The following ARHGAP20 variants were observed in gnomAD, a reference collection of about 807,000 sequenced individuals.
ARHGAP20 encodes the protein Rho GTPase activating protein 20.
Under a neutral mutation model 73.7 loss-of-function variants are expected in ARHGAP20, and 34 were observed. The observed-to-expected ratio is 0.46, with a 90% CI of 0.35 to 0.61. The LOEUF (loss-of-function observed/expected upper bound fraction) is 0.61. Ranked by LOEUF, ARHGAP20 falls within the 20% of genes least tolerant of loss-of-function variation. The pLI is 0.00. For missense variants in ARHGAP20, 1,314 were observed against 1,420.9 expected (o/e 0.92, Z 1.21); for synonymous variants, 523 against 518.2 (o/e 1.01, Z -0.13).
intron 10 of ARHGAP20, 144 bp from the exon 11 acceptor site, chr11:110,590,953 A>G (rs1180067768): frequency 1.1e-6 from 1 of 873,922 alleles, no homozygotes; most frequent in African/African-American, 1.7e-5. Context: ...GGCCGGAAAA[A>G]TTAAAGTCAC....
At chr11:110,689,093 G>A (rs1311359611) in intron 2 of ARHGAP20, among the ~76,000 whole-genome samples, 2 of 148,736 alleles carry the variant, frequency 1.3e-5, no homozygotes, top group Admixed American at 6.8e-5. Context: ...CCGCCTCCCC[G>A]GTTCACGCCA....
chr11:110,666,503 C>T (rs1185364449), intron 2 of ARHGAP20, among the ~76,000 whole-genome samples: 1 of 152,150 alleles, frequency 6.6e-6, no homozygotes, highest in Non-Finnish European at 1.5e-5. Context: ...AAGAACAGCA[C>T]AGAATCCAAA....
At chr11:110,611,964 T>C (rs1948376356) in intron 6 of ARHGAP20, among the ~76,000 whole-genome samples, 1 of 152,210 alleles carries the variant, frequency 6.6e-6, no homozygotes, top group Non-Finnish European at 1.5e-5. Flanking sequence ...AAGATTTTAA[T>C]TGTTGAAATC....
At chr11:110,591,361 A>T (rs1004557229) in intron 10 of ARHGAP20, among the ~76,000 whole-genome samples, 1 of 152,242 alleles carries the variant, frequency 6.6e-6, no homozygotes, top group African/African-American at 2.4e-5. Context: ...TGTTGTGAAG[A>T]ATAAATAAAG....
intron 9 of ARHGAP20, among the ~76,000 whole-genome samples, chr11:110,600,640 C>G (rs570501759): frequency 6.6e-6 from 1 of 152,380 alleles, no homozygotes; most frequent in African/African-American, 2.4e-5. Context: ...AAATACATCA[C>G]TGTCCACAGA....
intron 9 of ARHGAP20, among the ~76,000 whole-genome samples, chr11:110,598,781 C>A (rs149971129): frequency 6.6e-6 from 1 of 152,060 alleles, no homozygotes; most frequent in Non-Finnish European, 1.5e-5. Context: ...AGGAGCCCTG[C>A]CCCTTCTGAG....
intron 2 of ARHGAP20, among the ~76,000 whole-genome samples, chr11:110,645,009 C>CTCTCTT (rs1949157316): frequency 6.6e-6 from 1 of 151,320 alleles, no homozygotes; most frequent in Non-Finnish European, 1.5e-5. Context: ...CTCTCTCTCT[C>CTCTCTT]TCTCTCTTTT....
At chr11:110,626,884 T>C (rs1948754384) in intron 3 of ARHGAP20, among the ~76,000 whole-genome samples, 1 of 152,184 alleles carries the variant, frequency 6.6e-6, no homozygotes, top group Non-Finnish European at 1.5e-5. Context: ...AAGCTTTATA[T>C]TAAAATGGGC....
At chr11:110,674,108 T>C (rs1210178206) in intron 2 of ARHGAP20, among the ~76,000 whole-genome samples, 1 of 151,986 alleles carries the variant, frequency 6.6e-6, no homozygotes, top group Non-Finnish European at 1.5e-5. Context: ...CCAGCTAACT[T>C]GTATTTTAGC....
At chr11:110,588,107 A>C (rs1947719139) in intron 11 of ARHGAP20, among the ~76,000 whole-genome samples, 1 of 152,216 alleles carries the variant, frequency 6.6e-6, no homozygotes, top group South Asian at 2.1e-4. Flanking sequence ...AAAGATAATA[A>C]CTCGTAACAT....
intron 2 of ARHGAP20, among the ~76,000 whole-genome samples, chr11:110,639,182 G>A (rs1949029061): frequency 6.6e-6 from 1 of 151,428 alleles, no homozygotes; most frequent in South Asian, 2.1e-4. Context: ...TTAGCTGCTT[G>A]GCTCAGTTTC....
rs1947325860 is a variant in ARHGAP20 at position 110,577,745 on chromosome 11, T to C, written c.*1625A>G. ...TTGGATACAGAGTTCTAAAAGATCA[T>C]TGTAATGGTTAGCGCAAACAGGGCC... On this transcript the variant is annotated 3_prime_UTR_variant, in exon 15 of 15. Transcript: ENST00000683387. The C allele has an allele frequency of 1.0e-6, 1 of 985,750 alleles. No individual in the cohort carries two copies. The highest frequency in any genetic ancestry group is 1.2e-6 in the Non-Finnish European group (1 of 829,954). 61.1% of individuals were successfully genotyped at this position (985,750 alleles called of 1,614,324 possible).
chr11:110,594,538 C>T (rs1284279349), intron 9 of ARHGAP20, among the ~76,000 whole-genome samples: 2 of 152,152 alleles, frequency 1.3e-5, no homozygotes, highest in Non-Finnish European at 2.9e-5. Context: ...TCACAGCCTT[C>T]AGCAGGTATC....
At chr11:110,593,538 C>T (rs1258343966) in intron 9 of ARHGAP20, among the ~76,000 whole-genome samples, 1 of 152,188 alleles carries the variant, frequency 6.6e-6, no homozygotes, top group Non-Finnish European at 1.5e-5. Flanking sequence ...AATGGCATAG[C>T]ACTGGGTGAG....
intron 2 of ARHGAP20, 69 bp downstream of exon 2, chr11:110,690,478 G>C (rs1415226022): frequency 2.1e-6 from 3 of 1,436,432 alleles, no homozygotes. Context: ...TATGTGATCT[G>C]AAAAACTCTT....
chr11:110,700,835 C>T (rs550822309), intron 1 of ARHGAP20, among the ~76,000 whole-genome samples: 20 of 148,576 alleles, frequency 1.3e-4, no homozygotes, highest in African/African-American at 4.0e-4. Context: ...TGAGAATATG[C>T]GGTGTTTGGT....
chr11:110,584,938 T>A (rs1326774581), intron 12 of ARHGAP20, among the ~76,000 whole-genome samples: 3 of 124,880 alleles, frequency 2.4e-5, no homozygotes, highest in East Asian at 5.1e-4. Flanking sequence ...TGAATATATG[T>A]GTATATGAAT....
intron 14 of ARHGAP20, among the ~76,000 whole-genome samples, chr11:110,581,941 A>C (rs1024552435): frequency 4.6e-5 from 7 of 152,050 alleles, no homozygotes; most frequent in Admixed American, 6.5e-5. Flanking sequence ...AAAAAAAAAA[A>C]AAAAAAACAT....
In ARHGAP20 at chr11:110,712,131, T is replaced by C. The variant is rs1040881280; in HGVS notation, c.101A>G (p.Lys34Arg). The C allele has an allele frequency of 2.2e-6, 3 of 1,352,466 alleles. No individual in the cohort carries two copies. 83.8% of individuals were successfully genotyped at this position (1,352,466 alleles called of 1,614,324 possible). Residue 34 changes from lysine (K) to arginine (R), a missense_variant, in exon 1 of 15, where the codon AAG becomes AGG. By Grantham distance (26) the Lys-to-Arg change is conservative. This residue lies in a region of ARHGAP20 where 443 missense variants were observed against 466.4 expected (regional missense o/e 0.95). Transcript: ENST00000683387. Reference sequence around the variant, plus strand: ...GCCCCCGCTCAGCGTCCTCACCTTCTTGGTGCAGCTGCCTCCCGCGAGCCG... The same window carrying C: ...GCCCCCGCTCAGCGTCCTCACCTTCCTGGTGCAGCTGCCTCCCGCGAGCCG... Reference protein sequence around the residue: ...VSRLAGGSCTKKKMKTLAERR... With the variant: ...VSRLAGGSCTRKKMKTLAERR...
Sources: allele counts gnomAD v4.1 joint callset (sites outside exome capture counted in the v4.1 genomes callset), GRCh38; gene constraint gnomAD v4.1.1; regional missense constraint gnomAD v4.1.1; transcripts MANE v1.5; gene names NCBI Gene and HGNC (gene_info 2026-07-23, HGNC 2026-07-21).